ASB12: variants seen among roughly 807,000 people sequenced by gnomAD.
The protein encoded by ASB12 is ankyrin repeat and SOCS box containing 12, also known as ankyrin repeat and SOCS box protein 12.
A neutral mutation model predicts 13.7 loss-of-function variants in ASB12; 17 were observed. The ratio of observed to expected loss-of-function variants is 1.24; its 90% confidence interval spans 0.85 to 1.86. ASB12 has a LOEUF of 1.86. ASB12 is among the 40% of genes most tolerant of loss of function. The probability of loss-of-function intolerance (pLI) is 0.00; values close to 1 mark genes in which losing one functional copy is unlikely to be tolerated. For missense variants in ASB12, 329 were observed against 250.5 expected, an observed-to-expected ratio of 1.31 and a Z score of -2.11; for synonymous variants, 107 against 99.8, an observed-to-expected ratio of 1.07 and a Z score of -0.43.
rs138301074 is a variant in ASB12 at position 64,225,484 on chromosome X, C to A, written c.167G>T (p.Arg56Leu). 4.1e-6 allele frequency: 5 copies of A among 1,209,195 alleles called. No homozygotes were observed. In the South Asian group the frequency reaches 7.1e-5, roughly 17 times the overall value. The change falls in exon 2 of 3, where the codon CGC becomes CTC. Residue 56 changes from arginine to leucine, a missense_variant. Arg to Leu is a moderately radical substitution (Grantham distance 102). Transcript: ENST00000362002. The part of the protein sequence containing the change: ...NDSYTLDQLL[R>L]QERYKRFINS... ...GATGAAACGTTTGTAACGCTCCTGG[C>A]GCAAAAGCTGGTCCAAAGTATAGGA...
chrX:64,224,249 A>G lies in ASB12; in HGVS notation c.*86T>C. 1 of 1,029,208 alleles carries G rather than the reference A, an allele frequency of 9.7e-7. No individual in the cohort carries two copies. Among genetic ancestry groups the G allele is most frequent in the Non-Finnish European group, 1.4e-6 (1 of 740,392 alleles). 84.8% of individuals were successfully genotyped at this position (1,029,208 alleles called of 1,213,427 possible). On this transcript the variant is annotated 3_prime_UTR_variant, in exon 3 of 3. Transcript: ENST00000362002. Reference sequence around the variant, plus strand: ...TAATACAGGAGAGCAGCTCCAGGTAAGTGGATGAGGCTGTAATGCTCTCCA... The same window carrying G: ...TAATACAGGAGAGCAGCTCCAGGTAGGTGGATGAGGCTGTAATGCTCTCCA...
chrX:64,224,791 C>T (rs769246674), intron 2 of ASB12, 37 bp downstream of exon 2: 8 of 1,148,935 alleles, frequency 7.0e-6, no homozygotes, highest in Admixed American at 5.4e-5. Context: ...GACCTCCAAG[C>T]CAGGTGGCCT....
intron 1 of ASB12, among the ~76,000 whole-genome samples, chrX:64,227,656 C>A (rs747794208): frequency 3.6e-5 from 4 of 111,642 alleles, no homozygotes; most frequent in Non-Finnish European, 7.5e-5. Flanking sequence ...TTATTTTAAG[C>A]GTCTCTATCC....
chrX:64,225,823 G>T, intron 1 of ASB12, 149 bp from the exon 2 acceptor site: 1 of 751,734 alleles, frequency 1.3e-6, no homozygotes, highest in Non-Finnish European at 1.9e-6. Context: ...TCTTATTTCA[G>T]GCCCCAAAGA....
At position 64,225,598 on chromosome X, in the gene ASB12, A is replaced by G; in HGVS notation, c.53T>C (p.Ile18Thr). Residue 18 changes from isoleucine to threonine, a missense_variant, in exon 2 of 3, where the codon ATC (isoleucine) becomes ACC (threonine). By Grantham distance (89) the Ile-to-Thr change is moderately conservative. Coordinates refer to ENST00000362002, the MANE Select transcript of ASB12 (RefSeq NM_130388.4). ...CTTGTCGGGCTGCAGGAGGGAGAAG[A>G]TCTTGGTGATGTCCATGAGGTTCAT... The part of the protein sequence containing the change: ...AKMNLMDITK[I>T]FSLLQPDKEE... 1 of 1,202,742 alleles carries G rather than the reference A, an allele frequency of 8.3e-7. No homozygotes were observed. The highest frequency in any genetic ancestry group is 1.1e-6 in the Non-Finnish European group (1 of 890,339).
Position 64,225,561 on chromosome X carries a change from GTCC to G in ASB12, c.87_89del (p.Glu29del), listed in dbSNP as rs752342249. On this transcript the variant is annotated inframe_deletion, in exon 2 of 3. Transcript: ENST00000362002. ...GAGCCTGCTTCTCCTCTGTGTCAGT[GTCC>G]TCCTCCTCCTTGTCGGGCTGCAGGA... 8.3e-7 allele frequency: 1 copy of G among 1,208,339 alleles called. No homozygotes were observed. Among genetic ancestry groups the G allele is most frequent in the Non-Finnish European group, 1.1e-6 (1 of 893,782 alleles).
Position 64,225,172 on chromosome X carries a change from T to C in ASB12, c.479A>G (p.Asp160Gly). ...TTTGACGTTGGCCTCTGCACCATGG[T>C]CTAGGAGCTCCTGCAGGATAGCAAC... ...GAVAILQELL[D>G]HGAEANVKAK... Residue 160 changes from aspartate to glycine, a missense_variant, in exon 2 of 3, where the codon GAC becomes GGC. Transcript: ENST00000362002. 8.3e-7 allele frequency: 1 copy of C among 1,211,331 alleles called. No homozygotes were observed. Among genetic ancestry groups the C allele is most frequent in the South Asian group, 1.8e-5 (1 of 56,873 alleles).
chrX:64,227,848 C>T (rs1930977495), intron 1 of ASB12, among the ~76,000 whole-genome samples: 1 of 111,600 alleles, frequency 9.0e-6, no homozygotes, highest in Non-Finnish European at 1.9e-5. Flanking sequence ...ATGCTCTTGC[C>T]TCTTTATCCC....
chrX:64,224,595 T>G, intron 2 of ASB12, 127 bp from the exon 3 acceptor site: 1 of 899,198 alleles, frequency 1.1e-6, no homozygotes, highest in South Asian at 2.6e-5. Context: ...TAAACAGTCA[T>G]TGGCAGAGCC....
rs1440441579 is a variant in ASB12, at chrX:64,225,204, A to G, written c.447T>C (p.Asp149=). ...NCSPVLTAAR[D]GAVAILQELL... ...GCTCCTGCAGGATAGCAACAGCACC[A>G]TCACGGGCAGCTGTGAGCACGGGAG... Residue 149 remains aspartate, a synonymous_variant, in exon 2 of 3, where the codon GAT becomes GAC. Transcript: ENST00000362002. 1.7e-6 allele frequency: 2 copies of G among 1,211,815 alleles called. No homozygotes were observed. The highest frequency in any genetic ancestry group is 2.2e-6 in the Non-Finnish European group (2 of 895,516).
At chrX:64,226,376 A>T (rs1442074547) in intron 1 of ASB12, among the ~76,000 whole-genome samples, 1 of 112,491 alleles carries the variant, frequency 8.9e-6, no homozygotes, top group East Asian at 2.8e-4. Context: ...GTATTCAGGA[A>T]ACTGGTATTG....
In ASB12 at chrX:64,225,680, G is replaced by A. The variant is rs1930935992; in HGVS notation, c.-24-6C>T. The A allele has an allele frequency of 4.3e-6, 5 of 1,157,947 alleles. No homozygotes were observed. Among genetic ancestry groups the A allele is most frequent in the South Asian group, 3.9e-5 (2 of 51,473 alleles). On this transcript the variant is annotated splice_region_variant and splice_polypyrimidine_tract_variant and intron_variant, in intron 1 of 2. Coordinates refer to ENST00000362002, the MANE Select transcript of ASB12 (RefSeq NM_130388.4). Reference sequence around the variant, plus strand: ...AGCACAAGGAAATGCCAGATCTGTGGGTGACAAACAAGTGGGAGAGAATGA... The same window carrying A: ...AGCACAAGGAAATGCCAGATCTGTGAGTGACAAACAAGTGGGAGAGAATGA...
Position 64,225,630 on chromosome X carries a change from T to C in ASB12, c.21A>G (p.Leu7=), listed in dbSNP as rs1430930504. ...TGATGTCCATGAGGTTCATCTTGGCTAATTGGAGAACTATTCTCATTATGA... is the reference window on the plus strand; with the variant it reads ...TGATGTCCATGAGGTTCATCTTGGCCAATTGGAGAACTATTCTCATTATGA... The part of the protein sequence containing the change: MRIVLQ[L]AKMNLMDITK... The change falls in exon 2 of 3, where the codon TTA becomes TTG. Residue 7 remains leucine, a synonymous_variant. Transcript: ENST00000362002. The C allele has an allele frequency of 8.4e-7, 1 of 1,191,621 alleles. No individual in the cohort carries two copies. The highest frequency in any genetic ancestry group is 2.3e-5 in the Admixed American group (1 of 43,530).
intron 1 of ASB12, among the ~76,000 whole-genome samples, chrX:64,228,446 C>T (rs1001027259): frequency 6.2e-5 from 7 of 112,059 alleles, no homozygotes; most frequent in Non-Finnish European, 1.3e-4. Flanking sequence ...AGTTCTGCTT[C>T]TACCCCAGCT....
intron 1 of ASB12, chrX:64,226,827 C>T (rs1930959355): frequency 3.4e-6 from 2 of 593,138 alleles, no homozygotes; most frequent in East Asian, 1.7e-4. Flanking sequence ...GCTGAGGTCT[C>T]AGGACCTCAT....
chrX:64,225,202 C>T lies in ASB12; in HGVS notation c.449G>A (p.Gly150Asp). ...CSPVLTAARD[G>D]AVAILQELLD... is the part of the protein sequence containing the mutation. ...GAGCTCCTGCAGGATAGCAACAGCA[C>T]CATCACGGGCAGCTGTGAGCACGGG... Residue 150 changes from glycine to aspartate, a missense_variant, in exon 2 of 3, where the codon GGT (glycine) becomes GAT (aspartate). Transcript: ENST00000362002. The T allele has an allele frequency of 1.7e-6, 2 of 1,211,567 alleles. No homozygotes were observed. The highest frequency in any genetic ancestry group is 2.2e-6 in the Non-Finnish European group (2 of 895,452).
In ASB12 at chrX:64,225,365, C is replaced by G; in HGVS notation, c.286G>C (p.Gly96Arg). Residue 96 changes from glycine (G) to arginine (R), a missense_variant, in exon 2 of 3, where the codon GGT becomes CGT. By Grantham distance (125) the Gly-to-Arg change is moderately radical. Transcript: ENST00000362002. Reference sequence around the variant, plus strand: ...ACATCCAAGCTGTCAACATCAGCACCATGGGCTAAGAGGACTTGCAAACAG... The same window carrying G: ...ACATCCAAGCTGTCAACATCAGCACGATGGGCTAAGAGGACTTGCAAACAG... The part of the protein sequence containing the change: ...LSCLQVLLAH[G>R]ADVDSLDVKA... 8.3e-7 allele frequency: 1 copy of G among 1,208,702 alleles called. No homozygotes were observed. The highest frequency in any genetic ancestry group is 1.1e-6 in the Non-Finnish European group (1 of 893,911).
rs1930909835 is a variant in ASB12, at chrX:64,225,057, G to T, written c.594C>A (p.Arg198=). 1 of 1,209,937 alleles carries T rather than the reference G, an allele frequency of 8.3e-7. No homozygotes were observed. Among genetic ancestry groups the T allele is most frequent in the Non-Finnish European group, 1.1e-6 (1 of 895,211 alleles). Residue 198 remains arginine (R), a synonymous_variant, in exon 2 of 3, where the codon CGC becomes CGA. Transcript: ENST00000362002. ...AAVYGHLDCF[R]LLLLHGADPD... Reference sequence around the variant, plus strand: ...GGTCTGCCCCGTGGAGCAAAAGCAGGCGGAAACAGTCCAGGTGCCCGTAGA... The same window carrying T: ...GGTCTGCCCCGTGGAGCAAAAGCAGTCGGAAACAGTCCAGGTGCCCGTAGA...
chrX:64,229,242 A>C (rs1450630693), intron 1 of ASB12, among the ~76,000 whole-genome samples: 2 of 111,625 alleles, frequency 1.8e-5, no homozygotes, highest in East Asian at 5.6e-4. Context: ...TGGGCAGATA[A>C]TTGGCAGGGA....
Sources: gnomAD v4.1 joint callset for allele counts (sites outside exome capture counted in the v4.1 genomes callset) on GRCh38, gnomAD v4.1.1 for gene constraint, MANE v1.5 for transcripts, NCBI Gene and HGNC (gene_info 2026-07-23, HGNC 2026-07-21) for gene names.